G6PC1: variants seen among roughly 807,000 people sequenced by gnomAD.
G6PC1 encodes the protein glucose-6-phosphatase catalytic subunit 1, also known as G-6-Pase.
G6PC1 carries 23 observed loss-of-function variants against 30.4 expected under a neutral mutation model. The ratio of observed to expected loss-of-function variants is 0.76; its 90% CI spans 0.55 to 1.07. The LOEUF is 1.07. Among genes scored for constraint, G6PC1 ranks in the 50% least tolerant of loss-of-function variants. The pLI is 0.00. For missense variants in G6PC1, 391 were observed against 433.9 expected, an observed-to-expected ratio of 0.90 and a Z score of 0.88; for synonymous variants, 163 against 175.6, an observed-to-expected ratio of 0.93 and a Z score of 0.57.
At position 42,913,344 on chromosome 17, in the gene G6PC1, T is replaced by C. The variant is rs2056108198; in HGVS notation, c.*1918T>C. The C allele has an allele frequency of 6.6e-6, 1 of 152,250 alleles. No individual in the cohort carries two copies. Among genetic ancestry groups the C allele is most frequent in the Admixed American group, 6.5e-5 (1 of 15,284 alleles). 9.4% of individuals were successfully genotyped at this position (152,250 alleles called of 1,614,324 possible). A position where few individuals can be genotyped will look rare whatever the true frequency, so the allele number is the denominator to read the frequency against. On this transcript the variant is annotated 3_prime_UTR_variant, in exon 5 of 5. Coordinates refer to ENST00000253801, the MANE Select transcript of G6PC1 (RefSeq NM_000151.4). The stretch of plus-strand genomic sequence containing the variant: ...TATTTAAGAATAAAGTCTTGTTAAT[T>C]ACTATATTTTAGATGCAATGTGATC...
rs2056020202 is a variant in G6PC1 at position 42,900,805 on chromosome 17, G to C, written c.-72G>C. On this transcript the variant is annotated 5_prime_UTR_variant, in exon 1 of 5. Transcript: ENST00000253801. ...GGGCAAGGCACAGACTCATAGCAGA[G>C]CAATCACCACCAAGCCTGGAATAAC... The C allele has an allele frequency of 1.6e-6, 2 of 1,246,398 alleles. No homozygotes were observed. The highest frequency in any genetic ancestry group is 4.7e-5 in the East Asian group (2 of 42,586). 77.2% of individuals were successfully genotyped at this position (1,246,398 alleles called of 1,614,324 possible). A position where few individuals can be genotyped will look rare whatever the true frequency, so the allele number is the denominator to read the frequency against.
chr17:42,909,316 ATTTTG>A lies in G6PC1; in HGVS notation c.462_466del (p.Ile154MetfsTer48). 6.2e-7 allele frequency: 1 copy of A among 1,613,858 alleles called. No individual in the cohort carries two copies. The highest frequency in any genetic ancestry group is 8.5e-7 in the Non-Finnish European group (1 of 1,179,820). ...CTTCTGTTGCAGGTGCTTGAATGTC[ATTTTG>A]TGGTTGGGATTCTGGGCTGTGCAGC... On this transcript the variant is annotated frameshift_variant, in exon 4 of 5. Coordinates refer to ENST00000253801, the MANE Select transcript of G6PC1 (RefSeq NM_000151.4). LOFTEE classifies it high-confidence loss of function.
At chr17:42,901,571 C>T (rs543503163) in intron 1 of G6PC1, among the ~76,000 whole-genome samples, 1 of 151,682 alleles carries the variant, frequency 6.6e-6, no homozygotes, top group South Asian at 2.1e-4. Context: ...AAAAACATTA[C>T]GAAAATTAGC....
Position 42,904,047 on chromosome 17 carries a change from G to A in G6PC1, c.340+7G>A, listed in dbSNP as rs570199529. ...ACCTGTGAGACTGGACCAGGTAAGC[G>A]TCCCAGCCCCTGCAGACAGAAGCTG... is the stretch of plus-strand genomic sequence containing the variant. On this transcript the variant is annotated splice_region_variant and intron_variant, in intron 2 of 4. Transcript: ENST00000253801. 5.0e-6 allele frequency: 8 copies of A among 1,590,548 alleles called. No individual in the cohort carries two copies. Among genetic ancestry groups the A allele is most frequent in the African/African-American group, 2.7e-5 (2 of 74,586 alleles).
chr17:42,910,910 C>T lies in G6PC1; in HGVS notation c.563-5C>T, dbSNP rs1246163955. On this transcript the variant is annotated splice_polypyrimidine_tract_variant and splice_region_variant and intron_variant, in intron 4 of 4. Transcript: ENST00000253801. ...TCTCTCACAGTCATGCTTTCTTCCACTCAGGCATTGCTGTTGCAGAAACTT... is the reference window on the plus strand; with the variant it reads ...TCTCTCACAGTCATGCTTTCTTCCATTCAGGCATTGCTGTTGCAGAAACTT... 3.1e-6 allele frequency: 5 copies of T among 1,614,148 alleles called. No individual in the cohort carries two copies. Among genetic ancestry groups the T allele is most frequent in the Non-Finnish European group, 4.2e-6 (5 of 1,179,970 alleles).
At position 42,911,105 on chromosome 17, in the gene G6PC1, C is replaced by A. The variant is rs1422424986; in HGVS notation, c.753C>A (p.Val251=). 6.2e-7 allele frequency: 1 copy of A among 1,614,116 alleles called. No homozygotes were observed. Among genetic ancestry groups the A allele is most frequent in the South Asian group, 1.1e-5 (1 of 91,072 alleles). ...AQRWCEQPEW[V]HIDTTPFASL... ...GGTGGTGCGAGCAGCCAGAATGGGT[C>A]CACATTGACACCACACCCTTTGCCA... The change falls in exon 5 of 5, where the codon GTC becomes GTA. Residue 251 remains valine, a synonymous_variant. Coordinates refer to ENST00000253801, the MANE Select transcript of G6PC1 (RefSeq NM_000151.4).
Position 42,911,714 on chromosome 17 carries a change from A to G in G6PC1, c.*288A>G. 1 of 478,018 alleles carries G rather than the reference A, an allele frequency of 2.1e-6. No homozygotes were observed. The highest frequency in any genetic ancestry group is 3.8e-6 in the Non-Finnish European group (1 of 259,878). The allele number at this position is 478,018 out of a possible 1,614,324, so 29.6% of individuals were successfully genotyped here. Reference sequence around the variant, plus strand: ...CCTCTCTCTACTTGAATACTCTCACAAGTAGGGAGCTCACTCCCACTGGAA... The same window carrying G: ...CCTCTCTCTACTTGAATACTCTCACGAGTAGGGAGCTCACTCCCACTGGAA... On this transcript the variant is annotated 3_prime_UTR_variant, in exon 5 of 5. Transcript: ENST00000253801.
intron 2 of G6PC1, among the ~76,000 whole-genome samples, chr17:42,906,317 A>G (rs1376916417): frequency 6.6e-6 from 1 of 152,160 alleles, no homozygotes; most frequent in Non-Finnish European, 1.5e-5. Flanking sequence ...ATTCTGCCTC[A>G]TCCAACCCCA....
chr17:42,906,397 G>A (rs1020381496), intron 2 of G6PC1, among the ~76,000 whole-genome samples: 1 of 152,158 alleles, frequency 6.6e-6, no homozygotes, highest in African/African-American at 2.4e-5. Flanking sequence ...TCAGACCCTG[G>A]GGAGAGCGTA....
Position 42,911,268 on chromosome 17 carries a change from C to T in G6PC1, c.916C>T (p.Leu306=), listed in dbSNP as rs554145213. Reference sequence around the variant, plus strand: ...CTCTATTGTAGCCTCCCTCGTCCTCCTGCACGTCTTTGACTCCTTGAAACC... The same window carrying T: ...CTCTATTGTAGCCTCCCTCGTCCTCTTGCACGTCTTTGACTCCTTGAAACC... The part of the protein sequence containing the change: ...LSSIVASLVL[L]HVFDSLKPPS... Residue 306 remains leucine (L), a synonymous_variant, in exon 5 of 5, where the codon CTG becomes TTG. Transcript: ENST00000253801. 3 of 1,614,194 alleles carry T rather than the reference C, an allele frequency of 1.9e-6. 1 individual carries two copies. In the Middle Eastern group the frequency reaches 4.9e-4, roughly 266 times the overall value.
chr17:42,911,606 C>T lies in G6PC1; in HGVS notation c.*180C>T, dbSNP rs1318875952. 2.4e-6 allele frequency: 2 copies of T among 828,958 alleles called. No individual in the cohort carries two copies. The highest frequency in any genetic ancestry group is 5.3e-5 in the East Asian group (2 of 37,602). 51.4% of individuals were successfully genotyped at this position (828,958 alleles called of 1,614,324 possible). A position where few individuals can be genotyped will look rare whatever the true frequency, so the allele number is the denominator to read the frequency against. ...GCCTGGCTTATTCCCATGTGTGACT[C>T]CAGCCTGCCCTCAGCACAGACTCTT... On this transcript the variant is annotated 3_prime_UTR_variant, in exon 5 of 5. Transcript: ENST00000253801.
chr17:42,902,993 T>C (rs955659034), intron 1 of G6PC1, among the ~76,000 whole-genome samples: 2 of 151,678 alleles, frequency 1.3e-5, no homozygotes, highest in Non-Finnish European at 2.9e-5. Context: ...AGTTTCAAAC[T>C]GTAGTTCCAT....
chr17:42,906,287 G>C (rs1227752258), intron 2 of G6PC1, among the ~76,000 whole-genome samples: 1 of 152,096 alleles, frequency 6.6e-6, no homozygotes, highest in African/African-American at 2.4e-5. Context: ...GAACAGGGCA[G>C]AAGGAGAGGT....
intron 4 of G6PC1, among the ~76,000 whole-genome samples, chr17:42,910,621 G>T (rs143303482): frequency 6.6e-6 from 1 of 152,108 alleles, no homozygotes; most frequent in South Asian, 2.1e-4. Context: ...TTATAGTGGG[G>T]GTGAGCTCCC....
chr17:42,910,990 CCTT>C lies in G6PC1; in HGVS notation c.643_645del (p.Phe215del). On this transcript the variant is annotated inframe_deletion, in exon 5 of 5. Coordinates refer to ENST00000253801, the MANE Select transcript of G6PC1 (RefSeq NM_000151.4). ...AGCCTCAAGAAATATTTTCTCATTA[CCTT>C]CTTCCTGTTCAGCTTCGCCATCGGA... 6.2e-7 allele frequency: 1 copy of C among 1,614,170 alleles called. No homozygotes were observed. Among genetic ancestry groups the C allele is most frequent in the Non-Finnish European group, 8.5e-7 (1 of 1,180,028 alleles).
At position 42,911,391 on chromosome 17, in the gene G6PC1, C is replaced by G. The variant is rs80356487; in HGVS notation, c.1039C>G (p.Gln347Glu). Residue 347 changes from glutamine (Q) to glutamate (E), a missense_variant, in exon 5 of 5, where the codon CAG becomes GAG. Physicochemically the swap from Gln to Glu is conservative, Grantham distance 29 (BLOSUM62 2). Transcript: ENST00000253801. The stretch of plus-strand genomic sequence containing the variant: ...CAGTGTCATCCCCTACTGCCTCGCC[C>G]AGGTCCTGGGCCAGCCGCACAAGAA... ...SVSVIPYCLA[Q>E]VLGQPHKKSL is the part of the protein sequence containing the mutation. The G allele has an allele frequency of 6.2e-7, 1 of 1,614,180 alleles. No individual in the cohort carries two copies. Among genetic ancestry groups the G allele is most frequent in the African/African-American group, 1.3e-5 (1 of 75,032 alleles).
chr17:42,903,065 T>G (rs2056036809), intron 1 of G6PC1, among the ~76,000 whole-genome samples: 1 of 151,714 alleles, frequency 6.6e-6, no homozygotes. Flanking sequence ...TAGCTGCCAT[T>G]TTATGGATTT....
rs549712764 is a variant in G6PC1 at position 42,909,303 on chromosome 17, G to A, written c.447G>A (p.Arg149=). The A allele has an allele frequency of 2.5e-5, 40 of 1,610,868 alleles. No homozygotes were observed. The East Asian group carries it at 8.2e-4, about 33-fold the overall frequency. The change falls in exon 4 of 5, where the codon CGG becomes CGA. Residue 149 remains arginine, a splice_region_variant and synonymous_variant. Transcript: ENST00000253801. ...QGKIKPTYRF[R]CLNVILWLGF... The stretch of plus-strand genomic sequence containing the variant: ...GTTATGGTTGCCTCTTCTGTTGCAG[G>A]TGCTTGAATGTCATTTTGTGGTTGG...
chr17:42,905,673 A>G (rs1051008042), intron 2 of G6PC1, among the ~76,000 whole-genome samples: 1 of 152,216 alleles, frequency 6.6e-6, no homozygotes, highest in African/African-American at 2.4e-5. Flanking sequence ...AAGTGGCTTT[A>G]AGAGGTTATT....
Sources: allele counts gnomAD v4.1 joint callset (sites outside exome capture counted in the v4.1 genomes callset), GRCh38; gene constraint gnomAD v4.1.1; transcripts MANE v1.5; gene names NCBI Gene and HGNC (gene_info 2026-07-23, HGNC 2026-07-21).